The following TSGA10 variants were observed in gnomAD, a reference collection of about 807,000 sequenced individuals.
The protein encoded by TSGA10 is testis specific 10, also known as testis-specific gene 10 protein.
A neutral mutation model predicts 96.6 loss-of-function variants in TSGA10; 43 were observed. The ratio of observed to expected loss-of-function variants is 0.44; its 90% CI spans 0.35 to 0.57. The LOEUF (loss-of-function observed/expected upper bound fraction) is 0.57, where lower values mean the gene tolerates loss of function less well. Among genes scored for constraint, TSGA10 ranks in the 20% least tolerant of loss-of-function variants. The probability of loss-of-function intolerance (pLI) is 0.01; values close to 1 mark genes in which losing one functional copy is unlikely to be tolerated. For synonymous variants in TSGA10, 229 were observed against 269.9 expected (o/e 0.85, Z 1.48); for missense variants, 703 against 834.4 (o/e 0.84, Z 1.94).
chr2:99,015,681 C>A (rs2079456496), intron 20 of TSGA10, among the ~76,000 whole-genome samples: 1 of 151,916 alleles, frequency 6.6e-6, no homozygotes, highest in African/African-American at 2.4e-5. Context: ...ATAAAGGGCA[C>A]CTAAATCAGT....
rs1418024968 is a variant in TSGA10 at position 99,035,664 on chromosome 2, GTCAT to G, written c.1405-229_1405-226del. On this transcript the variant is annotated intron_variant, in intron 16 of 20. Coordinates refer to ENST00000393483, the MANE Select transcript of TSGA10 (RefSeq NM_025244.4). ...AATTCATGAGCAGGATGGTCAACTG[GTCAT>G]TCTTTTTAATGTACTTAGGAAAAAA... Among the ~76,000 whole-genome samples the G allele has an allele frequency of 1.0e-4, 15 of 149,812 alleles. No homozygotes were observed. The South Asian group carries it at 3.2e-3, about 32-fold the overall frequency.
intron 10 of TSGA10, chr2:99,101,896 T>C: frequency 3.4e-6 from 2 of 584,570 alleles, no homozygotes; most frequent in South Asian, 2.1e-5. Context: ...GAGGGGGAAA[T>C]AGGGAGTGCT....
chr2:99,011,116 G>GT (rs2078960878), intron 20 of TSGA10, among the ~76,000 whole-genome samples: 1 of 152,136 alleles, frequency 6.6e-6, no homozygotes, highest in Non-Finnish European at 1.5e-5. Flanking sequence ...CCGACCTAAA[G>GT]TGATGCATCA....
rs571996633 is a variant in TSGA10, at chr2:99,006,151, A to G, written c.2073-7930T>C. Among the ~76,000 whole-genome samples, 20 of 152,348 alleles carry G rather than the reference A, an allele frequency of 1.3e-4. No homozygotes were observed. In the South Asian group the frequency reaches 2.9e-3, roughly 22 times the overall value. ...TTATACAAAAATTAATTCAAGATGG[A>G]TTAAAGACTTACATGTTTGACCTAA... On this transcript the variant is annotated intron_variant, in intron 20 of 20. Coordinates refer to ENST00000393483, the MANE Select transcript of TSGA10 (RefSeq NM_025244.4).
chr2:99,079,222 A>C (rs2087124799), intron 11 of TSGA10, among the ~76,000 whole-genome samples: 1 of 152,182 alleles, frequency 6.6e-6, no homozygotes, highest in African/African-American at 2.4e-5. Context: ...AAAGTTGGTA[A>C]GTAACAAATC....
At position 99,117,766 on chromosome 2, in the gene TSGA10, T is replaced by A. The variant is rs2092354774; in HGVS notation, c.-355-7A>T. ...TCTGTTTGAGATCTTCAATCTGTTATTATCAGAAAAAAAATCACATTAAAA... is the reference window on the plus strand; with the variant it reads ...TCTGTTTGAGATCTTCAATCTGTTAATATCAGAAAAAAAATCACATTAAAA... On this transcript the variant is annotated splice_region_variant and splice_polypyrimidine_tract_variant and intron_variant, in intron 3 of 20. Coordinates refer to ENST00000393483, the MANE Select transcript of TSGA10 (RefSeq NM_025244.4). 1 of 982,852 alleles carries A rather than the reference T, an allele frequency of 1.0e-6. No homozygotes were observed. The highest frequency in any genetic ancestry group is 1.2e-6 in the Non-Finnish European group (1 of 827,356). The allele number at this position is 982,852 out of a possible 1,614,324, so 60.9% of individuals were successfully genotyped here. A position where few individuals can be genotyped will look rare whatever the true frequency, so the allele number is the denominator to read the frequency against.
At chr2:99,028,332 G>A (rs907082149) in intron 17 of TSGA10, among the ~76,000 whole-genome samples, 3 of 152,136 alleles carry the variant, frequency 2.0e-5, no homozygotes, top group South Asian at 2.1e-4. Flanking sequence ...GTTGAGGTAC[G>A]ATTGACAAAT....
chr2:99,142,620 T>A lies in TSGA10; in HGVS notation c.-621+12073A>T, dbSNP rs137866314. Among the ~76,000 whole-genome samples the A allele has an allele frequency of 1.9e-3, 282 of 152,328 alleles. 1 individual carries two copies. Among genetic ancestry groups the A allele is most frequent in the African/African-American group, 6.6e-3 (273 of 41,578 alleles). Reference sequence around the variant, plus strand: ...GATACCAAAAAAAATTAAGTGTCCCTGTTATTTTAGATTAAGAGGTTAGAG... The same window carrying A: ...GATACCAAAAAAAATTAAGTGTCCCAGTTATTTTAGATTAAGAGGTTAGAG... On this transcript the variant is annotated intron_variant, in intron 1 of 20. Coordinates refer to ENST00000393483, the MANE Select transcript of TSGA10 (RefSeq NM_025244.4).
At chr2:99,056,694 A>G (rs1022137317) in intron 16 of TSGA10, among the ~76,000 whole-genome samples, 1 of 152,070 alleles carries the variant, frequency 6.6e-6, no homozygotes, top group African/African-American at 2.4e-5. Flanking sequence ...TTTGAAATAC[A>G]GAAGAGGAGG....
chr2:99,006,493 C>T (rs1466567851), intron 20 of TSGA10, among the ~76,000 whole-genome samples: 1 of 152,122 alleles, frequency 6.6e-6, no homozygotes, highest in African/African-American at 2.4e-5. Flanking sequence ...AGGATATGAA[C>T]AGATACTTCT....
intron 2 of TSGA10, 57 bp from the exon 3 acceptor site, chr2:99,118,743 T>C (rs1019790082): frequency 2.2e-6 from 2 of 898,338 alleles, no homozygotes; most frequent in African/African-American, 3.6e-5. Context: ...AGGAACTATA[T>C]TAAATTCCAA....
rs189873510 is a variant in TSGA10, at chr2:99,108,807, A to T, written c.210+26T>A. 37 of 1,481,752 alleles carry T rather than the reference A, an allele frequency of 2.5e-5. No homozygotes were observed. The African/African-American group carries it at 5.3e-4, about 21-fold the overall frequency. 91.8% of individuals were successfully genotyped at this position (1,481,752 alleles called of 1,614,324 possible). A position where few individuals can be genotyped will look rare whatever the true frequency, so the allele number is the denominator to read the frequency against. On this transcript the variant is annotated intron_variant, in intron 7 of 20. Coordinates refer to ENST00000393483, the MANE Select transcript of TSGA10 (RefSeq NM_025244.4). ...ACTCTAGAACTCAATGTTATTACTT[A>T]TATAATTTGTTTTTTGTAAGTTTAC...
intron 1 of TSGA10, among the ~76,000 whole-genome samples, chr2:99,153,726 A>C (rs1381203652): frequency 6.6e-6 from 1 of 152,202 alleles, no homozygotes; most frequent in Non-Finnish European, 1.5e-5. Flanking sequence ...CCACCTGCAT[A>C]ATACAAGATA....
rs1353172795 is a variant in TSGA10 at position 99,012,393 on chromosome 2, G to A, written c.2072+5807C>T. Among the ~76,000 whole-genome samples the A allele has an allele frequency of 5.9e-5, 9 of 152,258 alleles. No homozygotes were observed. The South Asian group carries it at 1.0e-3, about 18-fold the overall frequency. On this transcript the variant is annotated intron_variant, in intron 20 of 20. Coordinates refer to ENST00000393483, the MANE Select transcript of TSGA10 (RefSeq NM_025244.4). ...TCCACTTAAAAGATACGGAATGGCAGAATGGATAAAAATTCACTGACTAAG... is the reference window on the plus strand; with the variant it reads ...TCCACTTAAAAGATACGGAATGGCAAAATGGATAAAAATTCACTGACTAAG...
At chr2:99,150,110 A>G (rs1358878614) in intron 1 of TSGA10, among the ~76,000 whole-genome samples, 2 of 152,228 alleles carry the variant, frequency 1.3e-5, no homozygotes, top group Admixed American at 1.3e-4. Flanking sequence ...GTATCTTTAT[A>G]GGACATCTTT....
chr2:99,054,064 G>A (rs1399476347), intron 16 of TSGA10, among the ~76,000 whole-genome samples: 1 of 152,066 alleles, frequency 6.6e-6, no homozygotes, highest in Non-Finnish European at 1.5e-5. Context: ...ACACCCTTTA[G>A]ACAAAGTAAT....
chr2:99,035,102 T>A (rs1467506837), intron 17 of TSGA10, 128 bp downstream of exon 17: 3 of 691,456 alleles, frequency 4.3e-6, no homozygotes, highest in Non-Finnish European at 6.9e-6. Flanking sequence ...TCTTGGATTT[T>A]AAAAATAAAA....
In TSGA10 at chr2:99,127,060, T is replaced by C. The variant is rs766757181; in HGVS notation, c.-504A>G. On this transcript the variant is annotated 5_prime_UTR_variant, in exon 2 of 21. Transcript: ENST00000393483. ...AACTAAACGCAACCTGTAATTTCAG[T>C]GTCGAGATGAATCTATCTTGGTTTC... 55 of 1,288,950 alleles carry C rather than the reference T, an allele frequency of 4.3e-5. No individual in the cohort carries two copies. The highest frequency in any genetic ancestry group is 5.2e-5 in the Non-Finnish European group (51 of 988,662). 79.8% of individuals were successfully genotyped at this position (1,288,950 alleles called of 1,614,324 possible).
intron 16 of TSGA10, 76 bp downstream of exon 16, chr2:99,064,863 T>C: frequency 7.9e-7 from 1 of 1,262,414 alleles, no homozygotes; most frequent in South Asian, 1.8e-5. Context: ...TTCATACATT[T>C]AATTTATGGA....
Sources: gnomAD v4.1 joint callset for allele counts (sites outside exome capture counted in the v4.1 genomes callset) on GRCh38, gnomAD v4.1.1 for gene constraint, MANE v1.5 for transcripts, NCBI Gene and HGNC (gene_info 2026-07-23, HGNC 2026-07-21) for gene names.